NKAIN3: variants seen among roughly 807,000 people sequenced by gnomAD.
The protein encoded by NKAIN3 is sodium/potassium-transporting ATPase subunit beta-1-interacting protein 3.
A neutral mutation model predicts 30.2 loss-of-function variants in NKAIN3; 25 were observed. That is an observed-to-expected ratio of 0.83 (90% CI 0.60 to 1.16). The LOEUF (loss-of-function observed/expected upper bound fraction) is 1.16, where lower values mean the gene tolerates loss of function less well. Ranked by LOEUF, NKAIN3 falls within the 50% of genes most tolerant of loss-of-function variation. The probability of loss-of-function intolerance (pLI) is 0.00; values close to 1 mark genes in which losing one functional copy is unlikely to be tolerated. For synonymous variants in NKAIN3, 91 were observed against 89.6 expected, an observed-to-expected ratio of 1.02 and a Z score of -0.09; for missense variants, 225 against 254.1, an observed-to-expected ratio of 0.89 and a Z score of 0.78.
intron 1 of NKAIN3, among the ~76,000 whole-genome samples, chr8:62,516,972 G>C (rs1808011129): frequency 6.6e-6 from 1 of 151,984 alleles, no homozygotes; most frequent in Admixed American, 6.6e-5. Context: ...GCTCCTTCCA[G>C]ACATCCGATT....
At chr8:62,859,372 G>C (rs890269723) in intron 4 of NKAIN3, among the ~76,000 whole-genome samples, 3 of 151,812 alleles carry the variant, frequency 2.0e-5, no homozygotes, top group African/African-American at 7.3e-5. Flanking sequence ...GTAACACAGA[G>C]GTATCTACTT....
chr8:62,360,562 A>G (rs1252448305), intron 1 of NKAIN3, among the ~76,000 whole-genome samples: 2 of 152,174 alleles, frequency 1.3e-5, no homozygotes, highest in African/African-American at 4.8e-5. Flanking sequence ...AAGTCTCAGA[A>G]AAGCCCATTT....
At position 62,972,275 on chromosome 8, in the gene NKAIN3, A is replaced by G. The variant is rs956014719; in HGVS notation, c.*6868A>G. 6.6e-6 allele frequency among the ~76,000 whole-genome samples: 1 copy of G among 152,186 alleles called. No individual in the cohort carries two copies. Among genetic ancestry groups the G allele is most frequent in the African/African-American group, 2.4e-5 (1 of 41,442 alleles). On this transcript the variant is annotated 3_prime_UTR_variant, in exon 7 of 7. Transcript: ENST00000623646. ...CCTTCATCTCTTTTTCTTCAAGAAC[A>G]TAATATCGGCTGAAGTGGAATGAGT... is the stretch of plus-strand genomic sequence containing the variant.
chr8:62,320,243 G>T (rs531989114), intron 1 of NKAIN3, among the ~76,000 whole-genome samples: 158 of 152,192 alleles, frequency 1.0e-3, no homozygotes, highest in African/African-American at 3.7e-3. Flanking sequence ...TGTGAGATGG[G>T]TTTCCTGAAT....
At chr8:62,850,216 C>A (rs1336198957) in intron 4 of NKAIN3, among the ~76,000 whole-genome samples, 2 of 152,100 alleles carry the variant, frequency 1.3e-5, no homozygotes, top group Admixed American at 6.5e-5. Context: ...TGATGATGAG[C>A]ATTTTTTCAT....
chr8:62,370,030 A>G (rs1194388611), intron 1 of NKAIN3, among the ~76,000 whole-genome samples: 3 of 152,168 alleles, frequency 2.0e-5, no homozygotes, highest in East Asian at 1.9e-4. Flanking sequence ...CTTGCCTAAC[A>G]GTTCCTTAGT....
chr8:62,629,496 A>G (rs1052043121), intron 3 of NKAIN3, among the ~76,000 whole-genome samples: 16 of 152,310 alleles, frequency 1.1e-4, no homozygotes, highest in Admixed American at 8.5e-4. Flanking sequence ...CATCCATAGC[A>G]GCACATACTT....
intron 4 of NKAIN3, among the ~76,000 whole-genome samples, chr8:62,821,624 A>T (rs2130731645): frequency 6.6e-6 from 1 of 152,200 alleles, no homozygotes; most frequent in Non-Finnish European, 1.5e-5. Flanking sequence ...TAAATCATAT[A>T]CTGAAAGTAG....
chr8:62,895,755 C>T (rs1821410837), intron 4 of NKAIN3, among the ~76,000 whole-genome samples: 1 of 152,122 alleles, frequency 6.6e-6, no homozygotes, highest in Non-Finnish European at 1.5e-5. Flanking sequence ...GGTCCTTCTT[C>T]CCTAATGTCG....
intron 1 of NKAIN3, among the ~76,000 whole-genome samples, chr8:62,378,473 C>T (rs1257511469): frequency 2.6e-5 from 4 of 152,220 alleles, no homozygotes; most frequent in African/African-American, 9.6e-5. Flanking sequence ...AGCTTTGCGG[C>T]ATCACTTCCC....
chr8:62,368,529 CT>C (rs1173655702), intron 1 of NKAIN3, among the ~76,000 whole-genome samples: 2 of 129,938 alleles, frequency 1.5e-5, no homozygotes, highest in African/African-American at 5.8e-5. Context: ...AATGAAGGCA[CT>C]GGTATTAAAA....
chr8:62,818,214 A>G (rs537868493), intron 4 of NKAIN3, among the ~76,000 whole-genome samples: 1 of 152,308 alleles, frequency 6.6e-6, no homozygotes, highest in Non-Finnish European at 1.5e-5. Context: ...GATATTTACA[A>G]CAGTTATATA....
intron 3 of NKAIN3, among the ~76,000 whole-genome samples, chr8:62,604,097 A>C (rs1811054788): frequency 6.6e-6 from 1 of 152,056 alleles, no homozygotes; most frequent in Admixed American, 6.6e-5. Context: ...AGGAAACAGG[A>C]GAGATTCCAT....
intron 3 of NKAIN3, among the ~76,000 whole-genome samples, chr8:62,646,509 C>A (rs1313064056): frequency 6.6e-6 from 1 of 152,086 alleles, no homozygotes; most frequent in Non-Finnish European, 1.5e-5. Flanking sequence ...ATATCCTGTT[C>A]TGAACATAAA....
chr8:62,678,252 T>A (rs1813540480), intron 3 of NKAIN3, among the ~76,000 whole-genome samples: 1 of 152,208 alleles, frequency 6.6e-6, no homozygotes. Flanking sequence ...TACCTTGAAT[T>A]ATAGGCACTG....
At chr8:62,797,870 G>A (rs892024491) in intron 4 of NKAIN3, among the ~76,000 whole-genome samples, 1 of 152,116 alleles carries the variant, frequency 6.6e-6, no homozygotes, top group African/African-American at 2.4e-5. Context: ...GGGGAAATTT[G>A]TAGACCGACC....
At chr8:62,841,668 G>C (rs1005746739) in intron 4 of NKAIN3, among the ~76,000 whole-genome samples, 2 of 152,104 alleles carry the variant, frequency 1.3e-5, no homozygotes, top group African/African-American at 4.8e-5. Context: ...TCTTTTTAAA[G>C]AATAAGTAAT....
At chr8:62,544,846 A>G (rs1808957653) in intron 1 of NKAIN3, among the ~76,000 whole-genome samples, 1 of 152,214 alleles carries the variant, frequency 6.6e-6, no homozygotes, top group African/African-American at 2.4e-5. Flanking sequence ...AAGGCTTAAC[A>G]ATGAAATAGT....
intron 5 of NKAIN3, among the ~76,000 whole-genome samples, chr8:62,943,622 A>C (rs1035397509): frequency 2.6e-5 from 4 of 151,260 alleles, no homozygotes; most frequent in African/African-American, 9.8e-5. Flanking sequence ...AATTGCAAAA[A>C]TATGGAGCCA....
Sources: allele counts gnomAD v4.1 joint callset (sites outside exome capture counted in the v4.1 genomes callset), GRCh38; gene constraint gnomAD v4.1.1; transcripts MANE v1.5; gene names NCBI Gene and HGNC (gene_info 2026-07-23, HGNC 2026-07-21).